Variants in PAWR observed in about 807,000 individuals in gnomAD.
PAWR encodes PRKC apoptosis WT1 regulator protein.
PAWR carries 23 observed loss-of-function variants against 32.0 expected under a neutral mutation model. That is an observed-to-expected ratio of 0.72 (90% CI 0.52 to 1.02). PAWR has a LOEUF of 1.02. Among genes scored for constraint, PAWR ranks in the 50% least tolerant of loss-of-function variants. PAWR has a pLI of 0.00. For synonymous variants in PAWR, 226 were observed against 187.1 expected (o/e 1.21, Z -1.70); for missense variants, 457 against 437.7 (o/e 1.04, Z -0.39).
At chr12:79,631,641 A>C (rs904622435) in intron 2 of PAWR, among the ~76,000 whole-genome samples, 44 of 152,328 alleles carry the variant, frequency 2.9e-4, no homozygotes, top group African/African-American at 1.0e-3. Flanking sequence ...AAAAGACCTC[A>C]GTATGGAAAA....
At chr12:79,633,209 A>C (rs1023866268) in intron 2 of PAWR, among the ~76,000 whole-genome samples, 1 of 152,148 alleles carries the variant, frequency 6.6e-6, no homozygotes, top group Admixed American at 6.5e-5. Context: ...TAAGGAAATA[A>C]AAAGGCGTGC....
chr12:79,688,486 AAC>A (rs1280022327), intron 2 of PAWR: 172 of 151,352 alleles, frequency 1.1e-3, no homozygotes, highest in African/African-American at 3.6e-3. Context: ...AAAAAAAAAA[AAC>A]ACCTAGAAAT....
intron 2 of PAWR, among the ~76,000 whole-genome samples, chr12:79,683,717 C>T (rs762901408): frequency 7.3e-5 from 11 of 151,714 alleles, no homozygotes; most frequent in Non-Finnish European, 1.6e-4. Flanking sequence ...AAGTATTACA[C>T]TCAGTTAAAT....
At chr12:79,666,064 T>C (rs1877587052) in intron 2 of PAWR, among the ~76,000 whole-genome samples, 1 of 152,198 alleles carries the variant, frequency 6.6e-6, no homozygotes, top group Non-Finnish European at 1.5e-5. Context: ...TGTTAGTTGA[T>C]ATAGTACTAA....
chr12:79,647,112 T>C (rs564803041), intron 2 of PAWR, among the ~76,000 whole-genome samples: 1 of 150,476 alleles, frequency 6.6e-6, no homozygotes, highest in South Asian at 2.1e-4. Context: ...GAGGCAGAGG[T>C]TGCAGTGAGC....
intron 2 of PAWR, among the ~76,000 whole-genome samples, chr12:79,673,581 C>T (rs1308648209): frequency 6.6e-6 from 1 of 152,150 alleles, no homozygotes; most frequent in Non-Finnish European, 1.5e-5. Context: ...CCGTTACCAG[C>T]CAGTTGGAGG....
chr12:79,632,501 G>A (rs1321519047), intron 2 of PAWR, among the ~76,000 whole-genome samples: 4 of 149,708 alleles, frequency 2.7e-5, no homozygotes, highest in African/African-American at 9.9e-5. Context: ...TGAGACTATG[G>A]GTGCTTGCCA....
intron 3 of PAWR, among the ~76,000 whole-genome samples, chr12:79,617,878 G>GCC (rs983965727): frequency 4.6e-5 from 7 of 151,984 alleles, no homozygotes; most frequent in African/African-American, 1.7e-4. Flanking sequence ...TATGGGACCT[G>GCC]CCCCCGCTCT....
At chr12:79,622,926 C>T (rs1022334600) in intron 2 of PAWR, among the ~76,000 whole-genome samples, 2 of 152,014 alleles carry the variant, frequency 1.3e-5, no homozygotes, top group African/African-American at 2.4e-5. Flanking sequence ...AGTGAGGACT[C>T]GAAAGGCATA....
At chr12:79,652,234 T>C (rs1876884328) in intron 2 of PAWR, among the ~76,000 whole-genome samples, 1 of 152,190 alleles carries the variant, frequency 6.6e-6, no homozygotes, top group South Asian at 2.1e-4. Context: ...AATGGTTCGA[T>C]GCTAAGTTTT....
At chr12:79,616,629 A>G (rs952253074) in intron 3 of PAWR, among the ~76,000 whole-genome samples, 1 of 152,222 alleles carries the variant, frequency 6.6e-6, no homozygotes, top group African/African-American at 2.4e-5. Flanking sequence ...AAATGACTTA[A>G]AAGTCAGTAT....
chr12:79,621,452 AG>A (rs1310414513), intron 2 of PAWR, among the ~76,000 whole-genome samples: 2 of 152,348 alleles, frequency 1.3e-5, no homozygotes, highest in Admixed American at 6.5e-5. Context: ...CATCAGTGAC[AG>A]GGTTTTCTTA....
intron 2 of PAWR, among the ~76,000 whole-genome samples, chr12:79,631,291 G>GT (rs1875613468): frequency 6.6e-6 from 1 of 152,076 alleles, no homozygotes; most frequent in Non-Finnish European, 1.5e-5. Flanking sequence ...CTTCTATTCA[G>GT]TATCTATCAT....
chr12:79,662,628 C>T (rs1241298156), intron 2 of PAWR, among the ~76,000 whole-genome samples: 1 of 152,184 alleles, frequency 6.6e-6, no homozygotes, highest in Admixed American at 6.6e-5. Context: ...AAAAGTATCA[C>T]TCATACATAA....
At chr12:79,675,413 T>C (rs1406295271) in intron 2 of PAWR, among the ~76,000 whole-genome samples, 1 of 152,070 alleles carries the variant, frequency 6.6e-6, no homozygotes, top group Middle Eastern at 3.2e-3. Flanking sequence ...TAAATCATTC[T>C]ACCATGAAGA....
chr12:79,623,192 A>G (rs1040384935), intron 2 of PAWR, among the ~76,000 whole-genome samples: 1 of 152,222 alleles, frequency 6.6e-6, no homozygotes, highest in African/African-American at 2.4e-5. Flanking sequence ...AGTCAGTGAA[A>G]GAAATCTGGT....
intron 2 of PAWR, 48 bp downstream of exon 2, chr12:79,689,681 C>T (rs1479517019): frequency 1.3e-6 from 2 of 1,520,368 alleles, no homozygotes; most frequent in Admixed American, 2.0e-5. Flanking sequence ...CACCGGGAGG[C>T]AGCTGCCCGC....
chr12:79,644,471 G>A (rs1172859669), intron 2 of PAWR, among the ~76,000 whole-genome samples: 1 of 152,116 alleles, frequency 6.6e-6, no homozygotes, highest in African/African-American at 2.4e-5. Context: ...CTAAGTGGAA[G>A]ATTTAAATAG....
intron 2 of PAWR, among the ~76,000 whole-genome samples, chr12:79,653,952 T>C (rs1015180312): frequency 3.3e-5 from 5 of 152,218 alleles, no homozygotes; most frequent in Admixed American, 3.3e-4. Context: ...AGCATCCTTA[T>C]TTGTACTGAA....
Sources: allele counts gnomAD v4.1 joint callset (sites outside exome capture counted in the v4.1 genomes callset), GRCh38; gene constraint gnomAD v4.1.1; transcripts MANE v1.5; gene names NCBI Gene and HGNC (gene_info 2026-07-23, HGNC 2026-07-21).